ZEB1: variants seen among roughly 807,000 people sequenced by gnomAD.
The protein encoded by ZEB1 is zinc finger E-box-binding homeobox 1.
A neutral mutation model predicts 84.9 loss-of-function variants in ZEB1; 21 were observed. That is an observed-to-expected ratio of 0.25 (90% CI 0.18 to 0.36). The LOEUF is 0.36. Among genes scored for constraint, ZEB1 ranks in the 10% least tolerant of loss-of-function variants. The probability of loss-of-function intolerance (pLI) is 1.00; values close to 1 mark genes in which losing one functional copy is unlikely to be tolerated. For missense variants in ZEB1, 1,104 were observed against 1,330.2 expected (o/e 0.83, Z 2.65); for synonymous variants, 420 against 471.1 (o/e 0.89, Z 1.41).
At chr10:31,472,754 A>G (rs1182151964) in intron 2 of ZEB1, among the ~76,000 whole-genome samples, 2 of 140,466 alleles carry the variant, frequency 1.4e-5, no homozygotes, top group Non-Finnish European at 3.0e-5. Flanking sequence ...AGACACAACC[A>G]AAAAAGAGAA....
intron 1 of ZEB1, among the ~76,000 whole-genome samples, chr10:31,434,226 G>A (rs1366769197): frequency 6.6e-6 from 1 of 152,190 alleles, no homozygotes; most frequent in Non-Finnish European, 1.5e-5. Context: ...TAAAGCATCT[G>A]TGCCCCCACT....
intron 1 of ZEB1, among the ~76,000 whole-genome samples, chr10:31,376,412 A>G (rs2046630870): frequency 1.3e-5 from 2 of 151,798 alleles, no homozygotes; most frequent in African/African-American, 4.8e-5. Flanking sequence ...TATTATTTGT[A>G]TAACTTATTT....
At chr10:31,513,038 G>A (rs1306092166) in intron 5 of ZEB1, among the ~76,000 whole-genome samples, 1 of 152,140 alleles carries the variant, frequency 6.6e-6, no homozygotes, top group Non-Finnish European at 1.5e-5. Context: ...ATTCTAAAGT[G>A]CAGTGGGGAT....
chr10:31,466,961 A>G (rs1442426966), intron 2 of ZEB1, among the ~76,000 whole-genome samples: 3 of 152,322 alleles, frequency 2.0e-5, no homozygotes, highest in East Asian at 3.9e-4. Context: ...CACCTCTTCT[A>G]CAGAGAGGAA....
At position 31,527,561 on chromosome 10, in the gene ZEB1, CAGAG is replaced by C. The variant is rs1035398553; in HGVS notation, c.*300_*303del. On this transcript the variant is annotated 3_prime_UTR_variant, in exon 9 of 9. Transcript: ENST00000424869. Reference sequence around the variant, plus strand: ...AGCAGATTAGAAAACCTTAATGACTCAGAGAGCAACAATACAAGAGGTTAAAGGA... The same window carrying C: ...AGCAGATTAGAAAACCTTAATGACTCAGCAACAATACAAGAGGTTAAAGGA... 4.7e-4 allele frequency: 179 copies of C among 384,766 alleles called. 1 individual carries two copies. Among genetic ancestry groups the C allele is most frequent in the Middle Eastern group, 3.7e-3 (5 of 1,362 alleles). 23.8% of individuals were successfully genotyped at this position (384,766 alleles called of 1,614,324 possible). A position where few individuals can be genotyped will look rare whatever the true frequency, so the allele number is the denominator to read the frequency against.
intron 1 of ZEB1, among the ~76,000 whole-genome samples, chr10:31,444,181 TC>T (rs1279369730): frequency 3.4e-4 from 50 of 147,450 alleles, no homozygotes; most frequent in African/African-American, 1.2e-3. Flanking sequence ...GAGCATTTTT[TC>T]ATGTGTTTTT....
In ZEB1 at chr10:31,463,310, A is replaced by G. The variant is rs577317360; in HGVS notation, c.259+2073A>G. On this transcript the variant is annotated intron_variant, in intron 2 of 8. Transcript: ENST00000424869. ...GAACTAACCCTTTTTACTGAAAACAACTAATGGTGCTAGATTAAAAACAAA... is the reference window on the plus strand; with the variant it reads ...GAACTAACCCTTTTTACTGAAAACAGCTAATGGTGCTAGATTAAAAACAAA... Among the ~76,000 whole-genome samples the G allele has an allele frequency of 7.9e-5, 12 of 152,310 alleles. 1 individual carries two copies. The East Asian group carries it at 1.9e-3, about 25-fold the overall frequency.
chr10:31,418,537 A>G (rs1354997216), intron 1 of ZEB1, among the ~76,000 whole-genome samples: 1 of 152,172 alleles, frequency 6.6e-6, no homozygotes, highest in African/African-American at 2.4e-5. Flanking sequence ...CTCAATATTT[A>G]AAAAATAAAA....
At chr10:31,474,962 C>G (rs2063866314) in intron 2 of ZEB1, among the ~76,000 whole-genome samples, 2 of 148,796 alleles carry the variant, frequency 1.3e-5, no homozygotes, top group African/African-American at 5.0e-5. Context: ...ATCGCAAGAA[C>G]AAAAAATCAA....
intron 1 of ZEB1, among the ~76,000 whole-genome samples, chr10:31,327,301 G>C (rs1360546764): frequency 6.6e-6 from 1 of 151,634 alleles, no homozygotes; most frequent in African/African-American, 2.4e-5. Context: ...AGTAAAGATG[G>C]GGTTTTGCCA....
chr10:31,329,987 T>A (rs1418191589), intron 1 of ZEB1, among the ~76,000 whole-genome samples: 1 of 152,198 alleles, frequency 6.6e-6, no homozygotes, highest in Non-Finnish European at 1.5e-5. Context: ...TTTCTCTCTT[T>A]CTGTTGGCTT....
chr10:31,345,262 T>A (rs2040103512), intron 1 of ZEB1, among the ~76,000 whole-genome samples: 1 of 152,082 alleles, frequency 6.6e-6, no homozygotes. Flanking sequence ...ACCTGAAGAT[T>A]AAAGTATACA....
intron 1 of ZEB1, among the ~76,000 whole-genome samples, chr10:31,367,658 T>A (rs73260051): frequency 0.015 from 2,353 of 152,120 alleles, 56 homozygotes; most frequent in African/African-American, 0.053. Flanking sequence ...ATGAGGCATA[T>A]TTTTTTGGTT....
At chr10:31,477,068 G>C (rs1263693203) in intron 2 of ZEB1, among the ~76,000 whole-genome samples, 1 of 151,912 alleles carries the variant, frequency 6.6e-6, no homozygotes, top group South Asian at 2.1e-4. Context: ...CAGAACAGTT[G>C]GGCAAGAGAA....
intron 6 of ZEB1, among the ~76,000 whole-genome samples, chr10:31,518,391 G>A (rs987395817): frequency 3.3e-5 from 5 of 152,108 alleles, no homozygotes; most frequent in Non-Finnish European, 7.4e-5. Flanking sequence ...TCCATTTGAA[G>A]GTTTGACTTG....
chr10:31,334,686 A>C (rs764476449), intron 1 of ZEB1, among the ~76,000 whole-genome samples: 1 of 152,128 alleles, frequency 6.6e-6, no homozygotes, highest in African/African-American at 2.4e-5. Context: ...GGCAAGATTA[A>C]TAGGTGGGGA....
rs1347208610 is a variant in ZEB1 at position 31,363,938 on chromosome 10, G to C, written c.58+44646G>C. On this transcript the variant is annotated intron_variant, in intron 1 of 8. Transcript: ENST00000424869. ...GCAGGCACAGGTGCAGGAGCTGCAG[G>C]GTGAGCCCGGCCAGCTGGGAAGGCC... The C allele has an allele frequency of 6.1e-6, 8 of 1,303,036 alleles. No individual in the cohort carries two copies. The East Asian group carries it at 1.9e-4, about 32-fold the overall frequency. 80.7% of individuals were successfully genotyped at this position (1,303,036 alleles called of 1,614,324 possible).
intron 1 of ZEB1, among the ~76,000 whole-genome samples, chr10:31,455,087 A>C (rs990847875): frequency 1.3e-5 from 2 of 152,316 alleles, no homozygotes; most frequent in Middle Eastern, 3.4e-3. Context: ...GGAACAGAAC[A>C]GAGGCCTCAG....
chr10:31,441,486 C>A (rs2058980201), intron 1 of ZEB1, among the ~76,000 whole-genome samples: 1 of 152,176 alleles, frequency 6.6e-6, no homozygotes, highest in South Asian at 2.1e-4. Flanking sequence ...CCATTCAGGA[C>A]ATAGGCACGG....
Sources: gnomAD v4.1 joint callset for allele counts (sites outside exome capture counted in the v4.1 genomes callset) on GRCh38, gnomAD v4.1.1 for gene constraint, MANE v1.5 for transcripts, NCBI Gene and HGNC (gene_info 2026-07-23, HGNC 2026-07-21) for gene names.